The following FBXO39 variants were observed in gnomAD, a reference collection of about 807,000 sequenced individuals.
FBXO39 encodes the protein F-box only protein 39.
FBXO39 carries 22 observed loss-of-function variants against 36.6 expected under a neutral mutation model. The ratio of observed to expected loss-of-function variants is 0.60; its 90% CI spans 0.43 to 0.86. The LOEUF is 0.86. Among genes scored for constraint, FBXO39 ranks in the 40% least tolerant of loss-of-function variants. The pLI, the probability that FBXO39 is intolerant of heterozygous loss-of-function variation, is 0.00. For synonymous variants in FBXO39, 206 were observed against 205.8 expected, an observed-to-expected ratio of 1.00 and a Z score of -0.01; for missense variants, 536 against 543.9, an observed-to-expected ratio of 0.99 and a Z score of 0.14.
chr17:6,779,718 A>C (rs1483070753), intron 1 of FBXO39, 71 bp from the exon 2 acceptor site: 6 of 814,222 alleles, frequency 7.4e-6, no homozygotes, highest in Non-Finnish European at 1.1e-5. Context: ...TTGGGACCAC[A>C]GGGAAAGCTG....
Position 6,780,107 on chromosome 17 carries a change from G to T in FBXO39, c.239G>T (p.Trp80Leu), listed in dbSNP as rs564185783. The T allele has an allele frequency of 6.2e-7, 1 of 1,614,148 alleles. No individual in the cohort carries two copies. Among genetic ancestry groups the T allele is most frequent in the Admixed American group, 1.7e-5 (1 of 60,032 alleles). The change falls in exon 2 of 4, where the codon TGG becomes TTG. Residue 80 changes from tryptophan to leucine, a missense_variant. Coordinates refer to ENST00000321535, the MANE Select transcript of FBXO39 (RefSeq NM_153230.3). Reference sequence around the variant, plus strand: ...GCATCTGAAGTTGAGTCAGCTGTTTGGTATGTTAAGAAGTTTGGTCGTTAT... The same window carrying T: ...GCATCTGAAGTTGAGTCAGCTGTTTTGTATGTTAAGAAGTTTGGTCGTTAT... ...VHASEVESAV[W>L]YVKKFGRYLE... is the part of the protein sequence containing the mutation.
chr17:6,780,345 G>A lies in FBXO39; in HGVS notation c.477G>A (p.Lys159=). The stretch of plus-strand genomic sequence containing the variant: ...GCAGCTTGAGCTTCTTCTTAAAGAA[G>A]ATGGGCAAACGCCTGGATTATCTCA... The part of the protein sequence containing the change: ...FISSLSFFLK[K]MGKRLDYLNL... Residue 159 remains lysine (K), a synonymous_variant, in exon 2 of 4, where the codon AAG becomes AAA. Transcript: ENST00000321535. The A allele has an allele frequency of 6.2e-7, 1 of 1,614,134 alleles. No homozygotes were observed. Among genetic ancestry groups the A allele is most frequent in the South Asian group, 1.1e-5 (1 of 91,074 alleles).
chr17:6,781,172 T>A (rs1426724885), intron 2 of FBXO39, among the ~76,000 whole-genome samples: 1 of 152,238 alleles, frequency 6.6e-6, no homozygotes, highest in Non-Finnish European at 1.5e-5. Context: ...CTATGAAGCC[T>A]GAGCCAGGAG....
Position 6,780,284 on chromosome 17 carries a change from T to C in FBXO39, c.416T>C (p.Leu139Pro), listed in dbSNP as rs1976489508. 1 of 1,614,038 alleles carries C rather than the reference T, an allele frequency of 6.2e-7. No individual in the cohort carries two copies. Reference sequence around the variant, plus strand: ...ATCCAATACCTGGAGCTGGACCGCCTGGTATGGAGGAACAGCATCAGGAGC... The same window carrying C: ...ATCCAATACCTGGAGCTGGACCGCCCGGTATGGAGGAACAGCATCAGGAGC... ...LSIQYLELDR[L>P]VWRNSIRSSF... is the part of the protein sequence containing the mutation. The change falls in exon 2 of 4, where the codon CTG becomes CCG. Residue 139 changes from leucine (L) to proline (P), a missense_variant. By Grantham distance (98) the Leu-to-Pro change is moderately conservative. Transcript: ENST00000321535.
chr17:6,787,222 C>CTGTGTG, intron 3 of FBXO39, 78 bp from the exon 4 acceptor site: 1 of 1,444,466 alleles, frequency 6.9e-7, no homozygotes, highest in Non-Finnish European at 9.4e-7. Context: ...AGTGTAGTCA[C>CTGTGTG]CGTGTGTGTG....
intron 2 of FBXO39, 136 bp downstream of exon 2, chr17:6,781,027 A>G (rs1341716427): frequency 3.2e-6 from 3 of 936,428 alleles, no homozygotes; most frequent in Non-Finnish European, 4.7e-6. Context: ...AATACCACCA[A>G]CTAAGCCTCC....
chr17:6,785,911 A>C (rs530664669), intron 2 of FBXO39, among the ~76,000 whole-genome samples: 131 of 152,328 alleles, frequency 8.6e-4, no homozygotes, highest in Non-Finnish European at 1.2e-3. Flanking sequence ...GTGGGAATTT[A>C]AAGTAGTACA....
chr17:6,783,348 T>A (rs1393708017), intron 2 of FBXO39, among the ~76,000 whole-genome samples: 1 of 151,902 alleles, frequency 6.6e-6, no homozygotes, highest in Non-Finnish European at 1.5e-5. Context: ...TGACACACTT[T>A]AAAGGACTGA....
chr17:6,779,343 C>A (rs1472633787), intron 1 of FBXO39, among the ~76,000 whole-genome samples: 1 of 152,206 alleles, frequency 6.6e-6, no homozygotes, highest in Non-Finnish European at 1.5e-5. Flanking sequence ...CACATACATT[C>A]ACAGTTCTGT....
chr17:6,777,780 G>C (rs1437642470), intron 1 of FBXO39, among the ~76,000 whole-genome samples: 1 of 152,186 alleles, frequency 6.6e-6, no homozygotes, highest in African/African-American at 2.4e-5. Flanking sequence ...AGGGGCACTG[G>C]CAAGAGGTAG....
At chr17:6,786,702 C>T (rs1489789948) in intron 2 of FBXO39, 78 bp from the exon 3 acceptor site, 20 of 1,267,424 alleles carry the variant, frequency 1.6e-5, no homozygotes, top group Middle Eastern at 2.1e-4. Context: ...AGAGCCAGGT[C>T]GTGGAAATGT....
Position 6,786,888 on chromosome 17 carries a change from G to A in FBXO39, c.1132G>A (p.Asp378Asn). 5.6e-6 allele frequency: 9 copies of A among 1,614,110 alleles called. No individual in the cohort carries two copies. The highest frequency in any genetic ancestry group is 6.8e-6 in the Non-Finnish European group (8 of 1,179,988). ...LFYFKIWAFL[D>N]VSFVERILKS... ...TTACTTCAAAATCTGGGCTTTCCTTGATGTTAGTTTTGTGGAGCGGATCCT... is the reference window on the plus strand; with the variant it reads ...TTACTTCAAAATCTGGGCTTTCCTTAATGTTAGTTTTGTGGAGCGGATCCT... Residue 378 changes from aspartate to asparagine, a missense_variant, in exon 3 of 4, where the codon GAT (aspartate) becomes AAT (asparagine). Physicochemically the swap from Asp to Asn is conservative, Grantham distance 23. Transcript: ENST00000321535.
intron 2 of FBXO39, 104 bp from the exon 3 acceptor site, chr17:6,786,676 C>A (rs1597777725): frequency 1.1e-6 from 1 of 922,188 alleles, no homozygotes; most frequent in Non-Finnish European, 1.6e-6. Flanking sequence ...CCCAAATCAT[C>A]ATGGCTATCA....
chr17:6,786,262 A>G (rs1265799674), intron 2 of FBXO39, among the ~76,000 whole-genome samples: 2 of 152,232 alleles, frequency 1.3e-5, no homozygotes, highest in African/African-American at 2.4e-5. Flanking sequence ...CAAACTTTGC[A>G]TGTTCTCACT....
At chr17:6,787,236 GTA>G (rs111260698) in intron 3 of FBXO39, 62 bp from the exon 4 acceptor site, 480,789 of 1,493,666 alleles carry the variant, frequency 0.32, 63,084 homozygotes, top group East Asian at 0.59. Flanking sequence ...GTGTGTGTGT[GTA>G]TGTGTGTGTG....
chr17:6,787,523 CT>C lies in FBXO39; in HGVS notation c.*96del. The C allele has an allele frequency of 6.9e-7, 1 of 1,456,090 alleles. No homozygotes were observed. The highest frequency in any genetic ancestry group is 9.3e-7 in the Non-Finnish European group (1 of 1,077,994). 90.2% of individuals were successfully genotyped at this position (1,456,090 alleles called of 1,614,324 possible). A position where few individuals can be genotyped will look rare whatever the true frequency, so the allele number is the denominator to read the frequency against. ...TTGGGCACTGCCGGCCCTTTTGCTC[CT>C]CTCTCTCCCCTCCACTTTTTTTTTT... On this transcript the variant is annotated 3_prime_UTR_variant, in exon 4 of 4. Transcript: ENST00000321535.
chr17:6,783,398 G>GAAGAAAT (rs977247138), intron 2 of FBXO39, among the ~76,000 whole-genome samples: 10 of 150,786 alleles, frequency 6.6e-5, no homozygotes, highest in African/African-American at 2.4e-4. Context: ...TGGTAGAAGA[G>GAAGAAAT]AAGAAATAAT....
chr17:6,778,144 C>T (rs185561472), intron 1 of FBXO39, among the ~76,000 whole-genome samples: 1 of 152,256 alleles, frequency 6.6e-6, no homozygotes, highest in Admixed American at 6.5e-5. Context: ...AGCTGCTAGA[C>T]GCAATGGGTG....
chr17:6,785,538 T>A (rs1458869573), intron 2 of FBXO39, among the ~76,000 whole-genome samples: 1 of 151,792 alleles, frequency 6.6e-6, no homozygotes, highest in Non-Finnish European at 1.5e-5. Context: ...AAGGAAACAA[T>A]CAACAAAGTG....
Sources: allele counts gnomAD v4.1 joint callset (sites outside exome capture counted in the v4.1 genomes callset), GRCh38; gene constraint gnomAD v4.1.1; transcripts MANE v1.5; gene names NCBI Gene and HGNC (gene_info 2026-07-23, HGNC 2026-07-21).